Variants in NBAS observed in about 807,000 individuals in gnomAD.
NBAS encodes the protein NAG/BC035112 fusion.
In NBAS, 219 loss-of-function variants were observed where a neutral mutation model predicts 302.5. The ratio of observed to expected loss-of-function variants is 0.72; its 90% CI spans 0.65 to 0.81. The LOEUF is 0.81. Ranked by LOEUF, NBAS falls within the 30% of genes least tolerant of loss-of-function variation. The pLI is 0.00. For missense variants in NBAS, 2,932 were observed against 2,841.6 expected (o/e 1.03, Z -0.72); for synonymous variants, 1,118 against 1,021.6 (o/e 1.09, Z -1.80).
chr2:14,814,905 A>C, the NBAS span, among the ~76,000 whole-genome samples: 1 of 152,218 alleles, frequency 6.6e-6, no homozygotes, highest in South Asian at 2.1e-4. Context: ...GTGGTTTCTA[A>C]CTGTTTAGCA....
chr2:15,378,096 A>T (rs561977699), intron 30 of NBAS, among the ~76,000 whole-genome samples: 3 of 152,334 alleles, frequency 2.0e-5, no homozygotes, highest in African/African-American at 7.2e-5. Context: ...TACTGAAGAG[A>T]TTCTACCTTT....
At chr2:15,252,631 G>A (rs1270004250) in intron 44 of NBAS, among the ~76,000 whole-genome samples, 2 of 151,918 alleles carry the variant, frequency 1.3e-5, no homozygotes, top group Non-Finnish European at 2.9e-5. Context: ...AGAGTGAGGT[G>A]GAAAAAATCA....
In NBAS at chr2:15,337,322, T is replaced by A. The variant is rs140269924; in HGVS notation, c.4180-6557A>T. On this transcript the variant is annotated intron_variant, in intron 35 of 51. Transcript: ENST00000281513. ...TCAGGGGGAAAGGGTGGGAAGGAGG[T>A]GAGGGATAAAAGACCACAAATTGGG... Among the ~76,000 whole-genome samples the A allele has an allele frequency of 5.2e-3, 790 of 151,510 alleles. 6 individuals carry two copies. The highest frequency in any genetic ancestry group is 0.018 in the African/African-American group (756 of 41,306).
At chr2:15,255,409 T>C (rs1227943842) in intron 44 of NBAS, among the ~76,000 whole-genome samples, 3 of 152,158 alleles carry the variant, frequency 2.0e-5, no homozygotes, top group Admixed American at 6.6e-5. Context: ...TTTGATGGGA[T>C]TGTTTGCTTG....
the NBAS span, among the ~76,000 whole-genome samples, chr2:15,128,367 T>G: frequency 5.9e-5 from 9 of 152,184 alleles, no homozygotes; most frequent in Non-Finnish European, 1.2e-4. Context: ...TTCCAAGATC[T>G]GACAAATTCT....
At chr2:15,253,039 G>A (rs1668433597) in intron 44 of NBAS, among the ~76,000 whole-genome samples, 1 of 152,140 alleles carries the variant, frequency 6.6e-6, no homozygotes, top group Admixed American at 6.6e-5. Context: ...AAGGAGGGGA[G>A]GGTGGATTGC....
At chr2:15,290,856 C>G (rs1184542319) in intron 41 of NBAS, among the ~76,000 whole-genome samples, 1 of 152,130 alleles carries the variant, frequency 6.6e-6, no homozygotes, top group East Asian at 1.9e-4. Flanking sequence ...CTTTTGATCT[C>G]TCTATGCCAT....
chr2:14,985,916 T>C, the NBAS span, among the ~76,000 whole-genome samples: 38 of 152,180 alleles, frequency 2.5e-4, no homozygotes, highest in African/African-American at 9.2e-4. Context: ...GAATCTCAAG[T>C]GTACTGATGA....
the NBAS span, among the ~76,000 whole-genome samples, chr2:14,913,791 C>T: frequency 6.6e-6 from 1 of 152,254 alleles, no homozygotes; most frequent in Admixed American, 6.5e-5. Flanking sequence ...GAAGAAGACA[C>T]AGATATAAGC....
chr2:14,952,973 G>C, the NBAS span, among the ~76,000 whole-genome samples: 25 of 152,360 alleles, frequency 1.6e-4, no homozygotes, highest in African/African-American at 5.3e-4. Context: ...GTTTAAGGTA[G>C]AGGATGAAGG....
At chr2:15,105,706 T>C in the NBAS span, among the ~76,000 whole-genome samples, 1 of 152,094 alleles carries the variant, frequency 6.6e-6, no homozygotes, top group Non-Finnish European at 1.5e-5. Flanking sequence ...GGTTCAGAGA[T>C]TAATTAGGCA....
chr2:15,019,177 T>C, the NBAS span, among the ~76,000 whole-genome samples: 1 of 152,198 alleles, frequency 6.6e-6, no homozygotes, highest in Non-Finnish European at 1.5e-5. Flanking sequence ...CAATTGGCAA[T>C]AGTTAAATGG....
At chr2:15,337,877 C>T (rs1193685913) in intron 35 of NBAS, among the ~76,000 whole-genome samples, 1 of 152,178 alleles carries the variant, frequency 6.6e-6, no homozygotes, top group Non-Finnish European at 1.5e-5. Context: ...GAAATGATTA[C>T]TACTGCCACT....
intron 21 of NBAS, among the ~76,000 whole-genome samples, chr2:15,430,105 A>AC (rs1437064973): frequency 1.3e-5 from 2 of 152,172 alleles, no homozygotes; most frequent in Non-Finnish European, 2.9e-5. Flanking sequence ...ATTTTAGAAA[A>AC]ATGTATCACA....
At chr2:14,844,296 C>T in the NBAS span, among the ~76,000 whole-genome samples, 4 of 152,202 alleles carry the variant, frequency 2.6e-5, no homozygotes, top group East Asian at 7.8e-4. Context: ...TCTAGACACA[C>T]CCTGGGCCAG....
chr2:14,993,858 C>T, the NBAS span, among the ~76,000 whole-genome samples: 2 of 152,032 alleles, frequency 1.3e-5, no homozygotes, highest in Non-Finnish European at 2.9e-5. Flanking sequence ...TTAAGCCAAA[C>T]CAATAAATAT....
At chr2:15,315,863 TCTCCA>T (rs1671484534) in intron 38 of NBAS, among the ~76,000 whole-genome samples, 1 of 151,840 alleles carries the variant, frequency 6.6e-6, no homozygotes, top group South Asian at 2.1e-4. Context: ...AGAACATGAG[TCTCCA>T]CTCTACCTCT....
At chr2:14,989,473 G>A in the NBAS span, among the ~76,000 whole-genome samples, 24 of 152,014 alleles carry the variant, frequency 1.6e-4, no homozygotes, top group African/African-American at 2.7e-4. Flanking sequence ...CAGGAGAATC[G>A]CCTAAAACCA....
chr2:14,888,348 C>T, the NBAS span, among the ~76,000 whole-genome samples: 2 of 152,082 alleles, frequency 1.3e-5, no homozygotes, highest in African/African-American at 4.8e-5. Context: ...CCAGGCTGCT[C>T]TTGAACTCCA....
Sources: gnomAD v4.1 joint callset for allele counts (sites outside exome capture counted in the v4.1 genomes callset) on GRCh38, gnomAD v4.1.1 for gene constraint, MANE v1.5 for transcripts, NCBI Gene and HGNC (gene_info 2026-07-23, HGNC 2026-07-21) for gene names.